Variants in DCDC2C observed in about 807,000 individuals in gnomAD.
DCDC2C encodes the protein doublecortin domain-containing protein 2C.
DCDC2C carries 44 observed loss-of-function variants against 45.0 expected under a neutral mutation model. The ratio of observed to expected loss-of-function variants is 0.98; its 90% CI spans 0.77 to 1.26. The LOEUF (loss-of-function observed/expected upper bound fraction) is 1.26, where lower values mean the gene tolerates loss of function less well. Ranked by LOEUF, DCDC2C falls within the 50% of genes most tolerant of loss-of-function variation. The pLI is 0.00. For missense variants in DCDC2C, 447 were observed against 468.9 expected (o/e 0.95, Z 0.43); for synonymous variants, 187 against 178.8 (o/e 1.05, Z -0.37).
intron 10 of DCDC2C, among the ~76,000 whole-genome samples, chr2:3,797,992 T>A (rs1366592368): frequency 6.6e-6 from 1 of 151,988 alleles, no homozygotes; most frequent in East Asian, 1.9e-4. Flanking sequence ...CCATTATTAA[T>A]GTATGGGAGT....
At chr2:3,843,262 G>A (rs561693114) in intron 10 of DCDC2C, among the ~76,000 whole-genome samples, 2 of 152,150 alleles carry the variant, frequency 1.3e-5, no homozygotes, top group South Asian at 2.1e-4. Context: ...AATGGACCGC[G>A]CTGGGCCACA....
chr2:3,744,094 GC>G (rs34353889), intron 4 of DCDC2C, among the ~76,000 whole-genome samples: 2,777 of 152,272 alleles, frequency 0.018, 80 homozygotes, highest in African/African-American at 0.063. Context: ...TGGGAGGATT[GC>G]CGAGCAGGGT....
At position 3,769,065 on chromosome 2, in the gene DCDC2C, G is replaced by A. The variant is rs1389957838; in HGVS notation, c.854-246G>A. On this transcript the variant is annotated intron_variant, in intron 7 of 10. Transcript: ENST00000399143. ...GACTTTCAGGGTCCAGGACCTTCAT[G>A]AAGACAGAGACAAAAGCAGACGGGG... is the stretch of plus-strand genomic sequence containing the variant. 2.2e-5 allele frequency: 10 copies of A among 447,180 alleles called. 1 individual carries two copies. The highest frequency in any genetic ancestry group is 3.3e-5 in the Non-Finnish European group (8 of 241,970). The allele number at this position is 447,180 out of a possible 1,614,324, so 27.7% of individuals were successfully genotyped here. A position where few individuals can be genotyped will look rare whatever the true frequency, so the allele number is the denominator to read the frequency against.
chr2:3,726,904 C>G lies in DCDC2C; in HGVS notation c.340-99C>G, dbSNP rs13394251. The stretch of plus-strand genomic sequence containing the variant: ...GTTCTATTGACAAAGGGGTTCCCCC[C>G]CTTTCTTATGTTTTAGGGCAGTGCT... On this transcript the variant is annotated intron_variant, in intron 2 of 10. Transcript: ENST00000399143. 0.02 allele frequency: 21,633 copies of G among 1,087,816 alleles called. 2,062 individuals are homozygous for G. In the African/African-American group the frequency reaches 0.24, roughly 12 times the overall value. 67.4% of individuals were successfully genotyped at this position (1,087,816 alleles called of 1,614,324 possible).
chr2:3,822,659 G>T (rs1646793243), intron 10 of DCDC2C, among the ~76,000 whole-genome samples: 1 of 150,828 alleles, frequency 6.6e-6, no homozygotes, highest in South Asian at 2.1e-4. Flanking sequence ...CCTTCTGCTT[G>T]CCTTGAGTTT....
intron 7 of DCDC2C, among the ~76,000 whole-genome samples, chr2:3,768,410 A>T (rs947648286): frequency 6.6e-6 from 1 of 152,178 alleles, no homozygotes; most frequent in African/African-American, 2.4e-5. Context: ...AGGCACATTC[A>T]TGTCCCGTCT....
intron 3 of DCDC2C, among the ~76,000 whole-genome samples, chr2:3,741,222 T>A (rs1014827805): frequency 6.6e-6 from 1 of 152,214 alleles, no homozygotes; most frequent in African/African-American, 2.4e-5. Context: ...TGGTTTCTAT[T>A]AACTTTTCAA....
chr2:3,831,437 A>G (rs1298403855), intron 10 of DCDC2C, among the ~76,000 whole-genome samples: 1 of 152,220 alleles, frequency 6.6e-6, no homozygotes, highest in East Asian at 1.9e-4. Context: ...AAATGACCGT[A>G]CTGAATAACA....
At chr2:3,762,316 G>C (rs1276335836) in intron 6 of DCDC2C, among the ~76,000 whole-genome samples, 1 of 152,166 alleles carries the variant, frequency 6.6e-6, no homozygotes, top group Non-Finnish European at 1.5e-5. Context: ...CAAGGCATGT[G>C]GCTGTGGAAC....
At chr2:3,742,209 C>T (rs34748757) in intron 4 of DCDC2C, among the ~76,000 whole-genome samples, 161 bp downstream of exon 4, 2,703 of 152,312 alleles carry the variant, frequency 0.018, 77 homozygotes, top group African/African-American at 0.062. Context: ...CTTGGTATTA[C>T]ACTTACTTTT....
At chr2:3,813,946 C>G (rs1671488382) in intron 10 of DCDC2C, among the ~76,000 whole-genome samples, 1 of 152,022 alleles carries the variant, frequency 6.6e-6, no homozygotes, top group African/African-American at 2.4e-5. Flanking sequence ...TGAATTTGAT[C>G]CTCTCATCAT....
At chr2:3,808,838 C>A (rs982559646) in intron 10 of DCDC2C, among the ~76,000 whole-genome samples, 12 of 152,178 alleles carry the variant, frequency 7.9e-5, no homozygotes, top group African/African-American at 2.9e-4. Flanking sequence ...CCCAAAGTCT[C>A]AAAGATTTTC....
intron 10 of DCDC2C, among the ~76,000 whole-genome samples, chr2:3,795,935 T>C (rs1233784756): frequency 7.2e-5 from 8 of 111,406 alleles, no homozygotes; most frequent in Non-Finnish European, 1.1e-4. Flanking sequence ...GGGGATGGCA[T>C]TGAATCTATA....
rs574731499 is a variant in DCDC2C, at chr2:3,846,659, G to A, written c.1066-495G>A. Among the ~76,000 whole-genome samples the A allele has an allele frequency of 3.7e-4, 56 of 152,164 alleles. No homozygotes were observed. In the Middle Eastern group the frequency reaches 0.01, roughly 28 times the overall value. ...CCTCTAGATGATGTTCACATTTTGG[G>A]GCTTAGTTTTAGAGTGGTCTTGGTA... On this transcript the variant is annotated intron_variant, in intron 10 of 10. Transcript: ENST00000399143.
intron 10 of DCDC2C, among the ~76,000 whole-genome samples, chr2:3,836,019 C>G (rs1322639790): frequency 6.6e-6 from 1 of 152,156 alleles, no homozygotes; most frequent in Non-Finnish European, 1.5e-5. Flanking sequence ...GCTGGGTTTA[C>G]AGGAATAAGC....
At chr2:3,827,299 G>T (rs999614179) in intron 10 of DCDC2C, among the ~76,000 whole-genome samples, 1 of 152,144 alleles carries the variant, frequency 6.6e-6, no homozygotes. Flanking sequence ...CGTGGAAGGG[G>T]AGGCAGCAGG....
rs571745502 is a variant in DCDC2C at position 3,703,696 on chromosome 2, G to C, written c.-56G>C. 8.2e-7 allele frequency: 1 copy of C among 1,221,344 alleles called. No individual in the cohort carries two copies. The highest frequency in any genetic ancestry group is 4.1e-5 in the South Asian group (1 of 24,276). The allele number at this position is 1,221,344 out of a possible 1,614,324, so 75.7% of individuals were successfully genotyped here. On this transcript the variant is annotated 5_prime_UTR_variant, in exon 1 of 11. Transcript: ENST00000399143. The surrounding 1 kb of genome is among the most constrained non-coding windows in gnomAD (Gnocchi z 4.4). The stretch of plus-strand genomic sequence containing the variant: ...GCCTGGGCGCGGCTCTGCAGGCGTC[G>C]CTGCCCGCGCTGCCGCAGCCTCTCG...
chr2:3,815,315 C>T (rs1415134019), intron 10 of DCDC2C, among the ~76,000 whole-genome samples: 2 of 152,052 alleles, frequency 1.3e-5, no homozygotes, highest in Non-Finnish European at 2.9e-5. Flanking sequence ...AGGTGAGCCG[C>T]TGCACTGCAT....
At chr2:3,738,753 T>G (rs1036786101) in intron 3 of DCDC2C, among the ~76,000 whole-genome samples, 1 of 152,162 alleles carries the variant, frequency 6.6e-6, no homozygotes, top group Non-Finnish European at 1.5e-5. Flanking sequence ...GTATATGGTT[T>G]TTTATCAGCA....
Sources: allele counts gnomAD v4.1 joint callset (sites outside exome capture counted in the v4.1 genomes callset), GRCh38; gene constraint gnomAD v4.1.1; non-coding constraint Gnocchi (gnomAD v3.1); transcripts MANE v1.5; gene names NCBI Gene and HGNC (gene_info 2026-07-23, HGNC 2026-07-21).